MPP7: variants seen among roughly 807,000 people sequenced by gnomAD.
The protein encoded by MPP7 is MAGUK p55 subfamily member 7.
Under a neutral mutation model 76.5 loss-of-function variants are expected in MPP7, and 60 were observed. The observed-to-expected ratio is 0.78, with a 90% confidence interval of 0.64 to 0.97. The LOEUF (loss-of-function observed/expected upper bound fraction) is 0.97. MPP7 is among the 50% of genes least tolerant of loss of function. The pLI is 0.00. For missense variants in MPP7, 641 were observed against 694.0 expected (o/e 0.92, Z 0.86); for synonymous variants, 237 against 244.5 (o/e 0.97, Z 0.29).
chr10:28,087,467 C>T (rs532193909), intron 12 of MPP7, among the ~76,000 whole-genome samples: 18 of 152,204 alleles, frequency 1.2e-4, no homozygotes, highest in South Asian at 1.0e-3. Context: ...GCAATCTCAG[C>T]TCACTGCAAC....
At chr10:28,081,528 G>A (rs907818479) in intron 12 of MPP7, among the ~76,000 whole-genome samples, 6 of 152,118 alleles carry the variant, frequency 3.9e-5, no homozygotes, top group African/African-American at 1.4e-4. Flanking sequence ...TCAAAATGAA[G>A]AGAAAATTAT....
At chr10:28,175,138 A>T (rs1364551106) in intron 3 of MPP7, among the ~76,000 whole-genome samples, 1 of 152,062 alleles carries the variant, frequency 6.6e-6, no homozygotes, top group Non-Finnish European at 1.5e-5. Flanking sequence ...AAAAATCCAT[A>T]AATCAGTTGG....
chr10:28,057,325 G>A (rs1851594469), intron 15 of MPP7, among the ~76,000 whole-genome samples: 1 of 152,170 alleles, frequency 6.6e-6, no homozygotes, highest in South Asian at 2.1e-4. Context: ...TGCAGCCTGT[G>A]GGAGGTGACT....
At chr10:28,299,067 A>G (rs943426734) in intron 1 of MPP7, among the ~76,000 whole-genome samples, 1 of 152,206 alleles carries the variant, frequency 6.6e-6, no homozygotes, top group Admixed American at 6.5e-5. Flanking sequence ...ATTAGCAATA[A>G]GGCTGTTTCA....
At chr10:28,297,658 C>CATTGCACTCCAGCCTGGGCA (rs1404511946) in intron 1 of MPP7, among the ~76,000 whole-genome samples, 127 of 152,188 alleles carry the variant, frequency 8.3e-4, no homozygotes, top group Non-Finnish European at 4.4e-5. Context: ...AAGATCGTGC[C>CATTGCACTCCAGCCTGGGCA]ATTGCACTCC....
At chr10:28,080,342 T>C (rs1467799255) in intron 12 of MPP7, among the ~76,000 whole-genome samples, 1 of 152,104 alleles carries the variant, frequency 6.6e-6, no homozygotes, top group East Asian at 1.9e-4. Flanking sequence ...CGTGGCTAAG[T>C]AGACGGGGGC....
At chr10:28,096,978 C>T (rs1398643935) in intron 11 of MPP7, among the ~76,000 whole-genome samples, 2 of 150,946 alleles carry the variant, frequency 1.3e-5, no homozygotes, top group Non-Finnish European at 2.9e-5. Flanking sequence ...AATTTAGCTT[C>T]TCTTTTTATT....
chr10:28,059,753 A>C lies in MPP7; in HGVS notation c.1205-10T>G, dbSNP rs754721271. On this transcript the variant is annotated splice_polypyrimidine_tract_variant and intron_variant, in intron 13 of 16. Coordinates refer to ENST00000683449, the MANE Select transcript of MPP7 (RefSeq NM_001318170.2). The stretch of plus-strand genomic sequence containing the variant: ...CTTGCTCTGGTGGTATCTATGATTT[A>C]ATGAAAAGGAGTTTAGAAAAGCCCA... 7.5e-6 allele frequency: 12 copies of C among 1,592,942 alleles called. No individual in the cohort carries two copies. In the South Asian group the frequency reaches 1.3e-4, roughly 18 times the overall value.
intron 3 of MPP7, among the ~76,000 whole-genome samples, chr10:28,162,716 G>A (rs537803685): frequency 6.6e-6 from 1 of 152,244 alleles, no homozygotes; most frequent in African/African-American, 2.4e-5. Flanking sequence ...CTTGTTGGGG[G>A]GTTGAACCTA....
intron 3 of MPP7, among the ~76,000 whole-genome samples, chr10:28,177,139 C>T (rs768198488): frequency 5.3e-5 from 8 of 150,736 alleles, no homozygotes; most frequent in Non-Finnish European, 1.2e-4. Flanking sequence ...GAGTTCTGGC[C>T]GGGCGCAGTG....
intron 11 of MPP7, among the ~76,000 whole-genome samples, chr10:28,109,864 A>AAAAAAAAAAC: frequency 2.0e-5 from 3 of 149,590 alleles, no homozygotes; most frequent in African/African-American, 4.9e-5. Context: ...AAAAAAAAAA[A>AAAAAAAAAAC]AAAAAAAAAC....
chr10:28,303,694 G>T (rs1006617583), upstream of MPP7, among the ~76,000 whole-genome samples: 2 of 152,132 alleles, frequency 1.3e-5, no homozygotes, highest in Non-Finnish European at 2.9e-5. Flanking sequence ...AATGAGTAGG[G>T]TGCGGAGAAT....
intron 3 of MPP7, among the ~76,000 whole-genome samples, chr10:28,156,759 T>C (rs1044676002): frequency 1.3e-5 from 2 of 152,188 alleles, no homozygotes; most frequent in African/African-American, 4.8e-5. Context: ...AACCTAGATC[T>C]ACATGTTTAT....
intron 1 of MPP7, among the ~76,000 whole-genome samples, chr10:28,299,194 A>G (rs1841097242): frequency 6.6e-6 from 1 of 152,146 alleles, no homozygotes; most frequent in South Asian, 2.1e-4. Context: ...GGCCTGTTTC[A>G]GCTTTTGTCA....
chr10:28,253,779 T>C (rs938125204), intron 1 of MPP7, among the ~76,000 whole-genome samples: 1 of 151,942 alleles, frequency 6.6e-6, no homozygotes, highest in Non-Finnish European at 1.5e-5. Context: ...GTGGATCACT[T>C]GAGCTCAGGA....
chr10:28,180,575 T>C (rs12248472), intron 3 of MPP7, among the ~76,000 whole-genome samples: 45,444 of 152,118 alleles, frequency 0.3, 8,318 homozygotes, highest in African/African-American at 0.49. Flanking sequence ...ATATTTGAAA[T>C]GTAATATAGT....
At chr10:28,214,254 C>T (rs1231893085) in intron 2 of MPP7, among the ~76,000 whole-genome samples, 1 of 152,074 alleles carries the variant, frequency 6.6e-6, no homozygotes, top group African/African-American at 2.4e-5. Flanking sequence ...TTTGCTGTAC[C>T]CTGAAATTAC....
chr10:28,100,632 C>T (rs1042946370), intron 11 of MPP7, among the ~76,000 whole-genome samples: 1 of 152,122 alleles, frequency 6.6e-6, no homozygotes, highest in East Asian at 1.9e-4. Context: ...AAATTCATCT[C>T]TGCAATGTTG....
At chr10:28,252,379 C>T in intron 1 of MPP7, among the ~76,000 whole-genome samples, 1 of 152,226 alleles carries the variant, frequency 6.6e-6, no homozygotes, top group East Asian at 1.9e-4. Context: ...AGGGGAATCA[C>T]TGCTACAATC....
Sources: allele counts gnomAD v4.1 joint callset (sites outside exome capture counted in the v4.1 genomes callset), GRCh38; gene constraint gnomAD v4.1.1; transcripts MANE v1.5; gene names NCBI Gene and HGNC (gene_info 2026-07-23, HGNC 2026-07-21).